Variants in UEVLD observed in about 807,000 individuals in gnomAD.
UEVLD encodes the protein ubiquitin-conjugating enzyme E2 variant 3.
In UEVLD, 47 loss-of-function variants were observed where a neutral mutation model predicts 58.6. That is an observed-to-expected ratio of 0.80 (90% CI 0.63 to 1.02). The LOEUF (loss-of-function observed/expected upper bound fraction) is 1.02. Among genes scored for constraint, UEVLD ranks in the 50% least tolerant of loss-of-function variants. The pLI, the probability that UEVLD is intolerant of heterozygous loss-of-function variation, is 0.00. For synonymous variants in UEVLD, 197 were observed against 195.3 expected, an observed-to-expected ratio of 1.01 and a Z score of -0.07; for missense variants, 510 against 550.6, an observed-to-expected ratio of 0.93 and a Z score of 0.74.
chr11:18,546,833 T>C, intron 8 of UEVLD, 47 bp downstream of exon 8: 2 of 1,595,742 alleles, frequency 1.3e-6, no homozygotes, highest in Non-Finnish European at 1.7e-6. Context: ...ATGGCAATTC[T>C]ACTGATGTAC....
At chr11:18,564,593 A>T (rs1027144663) in intron 6 of UEVLD, among the ~76,000 whole-genome samples, 5 of 152,180 alleles carry the variant, frequency 3.3e-5, no homozygotes, top group African/African-American at 1.2e-4. Flanking sequence ...GAGTTTAATT[A>T]AAGTGGCATG....
At chr11:18,562,954 G>C (rs760135879) in intron 6 of UEVLD, among the ~76,000 whole-genome samples, 8 of 152,098 alleles carry the variant, frequency 5.3e-5, no homozygotes, top group Non-Finnish European at 1.2e-4. Context: ...GCTGAGGTGG[G>C]AAGATCTCTT....
chr11:18,554,235 G>A (rs777437497), intron 7 of UEVLD, among the ~76,000 whole-genome samples: 10 of 151,880 alleles, frequency 6.6e-5, no homozygotes, highest in Non-Finnish European at 1.2e-4. Flanking sequence ...GGGATTATAG[G>A]CATGCACCAC....
chr11:18,583,857 C>T (rs1441797885), intron 1 of UEVLD, among the ~76,000 whole-genome samples: 1 of 151,860 alleles, frequency 6.6e-6, no homozygotes, highest in African/African-American at 2.4e-5. Context: ...GACGAGGTTT[C>T]TCCATGTTGG....
At chr11:18,580,890 C>T (rs1037238158) in intron 1 of UEVLD, among the ~76,000 whole-genome samples, 2 of 151,984 alleles carry the variant, frequency 1.3e-5, no homozygotes, top group Admixed American at 6.6e-5. Context: ...TCGCCAGGCG[C>T]GGTGGCTCAC....
intron 2 of UEVLD, among the ~76,000 whole-genome samples, chr11:18,578,214 A>G (rs1034570899): frequency 6.6e-6 from 1 of 152,166 alleles, no homozygotes; most frequent in Non-Finnish European, 1.5e-5. Flanking sequence ...AAAGCAGAGA[A>G]TCTTTCCCAG....
rs776088060 is a variant in UEVLD, at chr11:18,568,219, AAAATT to A, written c.358-1742_358-1738del. Among the ~76,000 whole-genome samples, 5 of 152,230 alleles carry A rather than the reference AAAATT, an allele frequency of 3.3e-5. No individual in the cohort carries two copies. In the South Asian group the frequency reaches 1.0e-3, roughly 32 times the overall value. On this transcript the variant is annotated intron_variant, in intron 4 of 11. Transcript: ENST00000396197. ...AAATAAAATCAGAACTGTCTAAACTAAAATTAAACACAACTTTCACTAGATTATAA... is the reference window on the plus strand; with the variant it reads ...AAATAAAATCAGAACTGTCTAAACTAAAACACAACTTTCACTAGATTATAA...
intron 9 of UEVLD, among the ~76,000 whole-genome samples, chr11:18,537,324 A>ATTTTTTT (rs1554974951): frequency 7.6e-6 from 1 of 131,572 alleles, no homozygotes; most frequent in Non-Finnish European, 1.6e-5. Context: ...ATATATATAT[A>ATTTTTTT]TTTTTTTTTT....
rs557087252 is a variant in UEVLD at position 18,554,185 on chromosome 11, A to G, written c.715+4043T>C. Among the ~76,000 whole-genome samples, 14 of 152,130 alleles carry G rather than the reference A, an allele frequency of 9.2e-5. No homozygotes were observed. In the South Asian group the frequency reaches 1.7e-3, roughly 18 times the overall value. On this transcript the variant is annotated intron_variant, in intron 7 of 11. Transcript: ENST00000396197. ...CGGCTCAATGCAACCTCTTCCTCCA[A>G]GGTTCAAGCAATTCTCCTGCCTCAG...
intron 4 of UEVLD, among the ~76,000 whole-genome samples, chr11:18,566,978 C>T (rs2134026945): frequency 6.6e-6 from 1 of 152,214 alleles, no homozygotes; most frequent in South Asian, 2.1e-4. Flanking sequence ...AGTACATATA[C>T]TCTTCACCTA....
chr11:18,574,664 C>T (rs1278984701), intron 3 of UEVLD, among the ~76,000 whole-genome samples: 2 of 152,120 alleles, frequency 1.3e-5, no homozygotes, highest in Non-Finnish European at 2.9e-5. Flanking sequence ...TTTGGGCAAA[C>T]ACTTAGCTAT....
chr11:18,564,024 A>AAAG (rs1565128778), intron 6 of UEVLD: 5 of 323,634 alleles, frequency 1.5e-5, no homozygotes, highest in African/African-American at 8.9e-5. Context: ...AAAAAAAAAA[A>AAAG]GAGGTGATAG....
At chr11:18,537,209 G>C (rs996731859) in intron 9 of UEVLD, among the ~76,000 whole-genome samples, 1 of 149,506 alleles carries the variant, frequency 6.7e-6, no homozygotes, top group Non-Finnish European at 1.5e-5. Flanking sequence ...CCAGGGTCCT[G>C]TTTTCTAAAA....
intron 9 of UEVLD, among the ~76,000 whole-genome samples, chr11:18,540,553 G>C (rs1851010344): frequency 6.6e-6 from 1 of 152,206 alleles, no homozygotes; most frequent in African/African-American, 2.4e-5. Flanking sequence ...CAGACAGGGA[G>C]ATAGACTGGG....
Position 18,534,523 on chromosome 11 carries a change from A to C in UEVLD, c.1125-70T>G, listed in dbSNP as rs1193005862. 2.7e-6 allele frequency: 4 copies of C among 1,480,058 alleles called. No individual in the cohort carries two copies. In the African/African-American group the frequency reaches 5.8e-5, roughly 22 times the overall value. The allele number at this position is 1,480,058 out of a possible 1,614,324, so 91.7% of individuals were successfully genotyped here. A position where few individuals can be genotyped will look rare whatever the true frequency, so the allele number is the denominator to read the frequency against. On this transcript the variant is annotated intron_variant, in intron 10 of 11. Transcript: ENST00000396197. ...CACATTTAGTTTTACATTCTGGCTA[A>C]GGTATTAATTAGATGTTTCTATGAC...
At chr11:18,545,451 T>A (rs1231359056) in intron 8 of UEVLD, among the ~76,000 whole-genome samples, 2 of 151,242 alleles carry the variant, frequency 1.3e-5, no homozygotes, top group Admixed American at 6.6e-5. Context: ...TTTGTTTGTT[T>A]GTTTGTTTTT....
At chr11:18,554,839 AAGACATCAAATGATCAGTCAGCTGC>A (rs1851689680) in intron 7 of UEVLD, among the ~76,000 whole-genome samples, 1 of 152,240 alleles carries the variant, frequency 6.6e-6, no homozygotes. Context: ...GCTATTAAAA[AAGACATCAAATGATCAGTCAGCTGC>A]AGTCATCTAT....
chr11:18,554,823 A>T (rs1001034041), intron 7 of UEVLD, among the ~76,000 whole-genome samples: 2 of 152,198 alleles, frequency 1.3e-5, no homozygotes, highest in East Asian at 1.9e-4. Flanking sequence ...CCAAAATGTT[A>T]TAGTAGCTAT....
chr11:18,586,601 T>C (rs1398996182), intron 1 of UEVLD, among the ~76,000 whole-genome samples: 1 of 152,104 alleles, frequency 6.6e-6, no homozygotes, highest in Non-Finnish European at 1.5e-5. Flanking sequence ...GCTCTCTGCA[T>C]ACTCAAACAC....
Sources: gnomAD v4.1 joint callset for allele counts (sites outside exome capture counted in the v4.1 genomes callset) on GRCh38, gnomAD v4.1.1 for gene constraint, MANE v1.5 for transcripts, NCBI Gene and HGNC (gene_info 2026-07-23, HGNC 2026-07-21) for gene names.